The following ERC2 variants were observed in gnomAD, a reference collection of about 807,000 sequenced individuals.
The protein encoded by ERC2 is ELKS/RAB6-interacting/CAST family member 2, also known as ERC protein 2.
ERC2 carries 42 observed loss-of-function variants against 114.8 expected under a neutral mutation model. That is an observed-to-expected ratio of 0.37 (90% CI 0.29 to 0.47). The LOEUF (loss-of-function observed/expected upper bound fraction) is 0.47. Among genes scored for constraint, ERC2 ranks in the 20% least tolerant of loss-of-function variants. The pLI, the probability that ERC2 is intolerant of heterozygous loss-of-function variation, is 0.99. For missense variants in ERC2, 939 were observed against 1,150.7 expected, an observed-to-expected ratio of 0.82 and a Z score of 2.66; for synonymous variants, 454 against 425.5, an observed-to-expected ratio of 1.07 and a Z score of -0.82.
At chr3:55,935,485 A>G (rs1290922681) in intron 13 of ERC2, among the ~76,000 whole-genome samples, 2 of 152,220 alleles carry the variant, frequency 1.3e-5, no homozygotes, top group African/African-American at 2.4e-5. Flanking sequence ...TACTCCATCC[A>G]TCTGTCAATT....
chr3:56,334,332 A>G (rs2057759538), intron 2 of ERC2, among the ~76,000 whole-genome samples: 1 of 152,220 alleles, frequency 6.6e-6, no homozygotes, highest in Admixed American at 6.5e-5. Flanking sequence ...CCATAGGCCA[A>G]GAGAATCGGA....
At chr3:56,062,894 A>G (rs775261321) in intron 7 of ERC2, among the ~76,000 whole-genome samples, 7 of 152,188 alleles carry the variant, frequency 4.6e-5, no homozygotes, top group Non-Finnish European at 8.8e-5. Context: ...TTGTTTCTCC[A>G]GTCCTTTTCA....
chr3:55,889,537 T>C (rs2063510381), intron 13 of ERC2, among the ~76,000 whole-genome samples: 1 of 152,128 alleles, frequency 6.6e-6, no homozygotes. Flanking sequence ...GGCAAAGCCT[T>C]ATCCTCCCCA....
chr3:55,734,201 T>C (rs1008113294), intron 15 of ERC2, among the ~76,000 whole-genome samples: 12 of 152,066 alleles, frequency 7.9e-5, no homozygotes, highest in African/African-American at 2.7e-4. Context: ...GGCAAACAGG[T>C]GATTTTTTAA....
intron 3 of ERC2, among the ~76,000 whole-genome samples, chr3:56,210,648 T>G (rs2049001619): frequency 6.6e-6 from 1 of 152,226 alleles, no homozygotes; most frequent in Non-Finnish European, 1.5e-5. Flanking sequence ...TTGGATAAAC[T>G]GCTGGGCCTT....
chr3:55,888,386 C>T lies in ERC2; in HGVS notation c.2564+3G>A, dbSNP rs1355418257. 6.2e-7 allele frequency: 1 copy of T among 1,613,750 alleles called. No individual in the cohort carries two copies. Among genetic ancestry groups the T allele is most frequent in the Admixed American group, 1.7e-5 (1 of 59,990 alleles). On this transcript the variant is annotated splice_donor_region_variant and intron_variant, in intron 14 of 17. Transcript: ENST00000288221. ...GGCTACCAAAGCAGCAATGGGTACT[C>T]ACTTCATCTCCAGGATCTCCTCCAG...
intron 14 of ERC2, among the ~76,000 whole-genome samples, chr3:55,884,510 C>T (rs1219333075): frequency 1.3e-5 from 2 of 152,034 alleles, no homozygotes; most frequent in Admixed American, 1.3e-4. Flanking sequence ...AAACAAATAT[C>T]TATCTTTGGA....
chr3:56,298,654 G>C (rs2055619072), intron 2 of ERC2, among the ~76,000 whole-genome samples: 2 of 148,534 alleles, frequency 1.3e-5, no homozygotes, highest in Admixed American at 1.4e-4. Context: ...AGAATGTCCA[G>C]AATAAACATA....
At chr3:55,949,647 A>C (rs974186471) in intron 13 of ERC2, among the ~76,000 whole-genome samples, 1 of 152,230 alleles carries the variant, frequency 6.6e-6, no homozygotes, top group Non-Finnish European at 1.5e-5. Context: ...AAATTATCTA[A>C]CTTCTCCTAT....
At chr3:55,600,902 T>G (rs887356183) in intron 17 of ERC2, among the ~76,000 whole-genome samples, 9 of 152,270 alleles carry the variant, frequency 5.9e-5, no homozygotes, top group African/African-American at 2.2e-4. Context: ...ATGTCGCTCC[T>G]ACTGGCCCTG....
intron 7 of ERC2, among the ~76,000 whole-genome samples, chr3:56,032,981 A>AAGAAAG (rs1560057433): frequency 5.3e-4 from 33 of 62,438 alleles, no homozygotes; most frequent in African/African-American, 1.3e-3. Context: ...AAGAAAGAGA[A>AAGAAAG]AGAAAGAAAG....
chr3:56,399,956 G>C (rs935426746), intron 2 of ERC2, among the ~76,000 whole-genome samples: 5 of 151,868 alleles, frequency 3.3e-5, no homozygotes, highest in Non-Finnish European at 5.9e-5. Context: ...AAAAGTAAGT[G>C]AGCCTTTTAA....
chr3:56,126,161 G>A (rs866956911), intron 6 of ERC2, among the ~76,000 whole-genome samples: 2 of 152,050 alleles, frequency 1.3e-5, no homozygotes, highest in Non-Finnish European at 1.5e-5. Context: ...TAAAGATAAG[G>A]ATTCCTTATT....
At chr3:56,333,859 A>G (rs1313232757) in intron 2 of ERC2, among the ~76,000 whole-genome samples, 4 of 152,374 alleles carry the variant, frequency 2.6e-5, no homozygotes, top group African/African-American at 4.8e-5. Flanking sequence ...ATTCTAAAGA[A>G]TAACTAAAGG....
rs370673778 is a variant in ERC2 at position 55,601,476 on chromosome 3, GT to G, written c.*39+82317del. On this transcript the variant is annotated intron_variant, in intron 17 of 17. Transcript: ENST00000288221. Reference sequence around the variant, plus strand: ...AAAAAGCTACTCAGACTGCCCTGAAGTTCAGCTGCTCCCTGTCATTTCACAT... The same window carrying G: ...AAAAAGCTACTCAGACTGCCCTGAAGTCAGCTGCTCCCTGTCATTTCACAT... Among the ~76,000 whole-genome samples, 219 of 152,324 alleles carry G rather than the reference GT, an allele frequency of 1.4e-3. 1 individual carries two copies. The highest frequency in any genetic ancestry group is 0.01 in the Middle Eastern group (3 of 294).
At position 55,961,853 on chromosome 3, in the gene ERC2, CA is replaced by C. The variant is rs56292252; in HGVS notation, c.2268-11294del. On this transcript the variant is annotated intron_variant, in intron 12 of 17. Transcript: ENST00000288221. The stretch of plus-strand genomic sequence containing the variant: ...CCTCACCAATGAAATGATACCCAGT[CA>C]AAAAAAAAAAAAAAGCCACAAAAAA... Among the ~76,000 whole-genome samples the C allele has an allele frequency of 6.0e-4, 82 of 136,336 alleles. 1 individual carries two copies. The highest frequency in any genetic ancestry group is 3.6e-3 in the South Asian group (15 of 4,148). 89.4% of individuals were successfully genotyped at this position (136,336 alleles called of 152,430 possible). A position where few individuals can be genotyped will look rare whatever the true frequency, so the allele number is the denominator to read the frequency against.
chr3:55,920,867 T>C (rs2065386073), intron 13 of ERC2, among the ~76,000 whole-genome samples: 1 of 152,110 alleles, frequency 6.6e-6, no homozygotes, highest in Admixed American at 6.6e-5. Flanking sequence ...ACCAACCCTA[T>C]GAGGTTATCC....
chr3:55,561,661 G>A (rs1023748606), intron 17 of ERC2, among the ~76,000 whole-genome samples: 8 of 152,094 alleles, frequency 5.3e-5, no homozygotes, highest in Admixed American at 5.2e-4. Flanking sequence ...AGGTAGGCAT[G>A]GTGGGCTACT....
At position 56,171,627 on chromosome 3, in the gene ERC2, A is replaced by G. The variant is rs146501255; in HGVS notation, c.1149+1819T>C. Among the ~76,000 whole-genome samples the G allele has an allele frequency of 3.5e-4, 54 of 152,290 alleles. No individual in the cohort carries two copies. In the East Asian group the frequency reaches 9.6e-3, roughly 27 times the overall value. On this transcript the variant is annotated intron_variant, in intron 4 of 17. Coordinates refer to ENST00000288221, the MANE Select transcript of ERC2 (RefSeq NM_015576.3). ...AGAATTCAAGTTTCTCTGCCTTCCC[A>G]TGTAGATGACCTAAGTGAGTTTTTT...
Sources: allele counts gnomAD v4.1 joint callset (sites outside exome capture counted in the v4.1 genomes callset), GRCh38; gene constraint gnomAD v4.1.1; transcripts MANE v1.5; gene names NCBI Gene and HGNC (gene_info 2026-07-23, HGNC 2026-07-21).